VTI1A: variants seen among roughly 807,000 people sequenced by gnomAD.
VTI1A encodes the protein vesicle transport through interaction with t-SNAREs homolog 1A.
Under a neutral mutation model 34.9 loss-of-function variants are expected in VTI1A, and 22 were observed. That is an observed-to-expected ratio of 0.63 (90% CI 0.45 to 0.90). The LOEUF is 0.90. Among genes scored for constraint, VTI1A ranks in the 40% least tolerant of loss-of-function variants. VTI1A has a pLI of 0.00. For synonymous variants in VTI1A, 87 were observed against 97.3 expected (o/e 0.89, Z 0.62); for missense variants, 268 against 275.6 (o/e 0.97, Z 0.20).
chr10:112,628,008 A>G (rs1845988653), intron 5 of VTI1A, among the ~76,000 whole-genome samples: 2 of 152,172 alleles, frequency 1.3e-5, no homozygotes, highest in African/African-American at 2.4e-5. Context: ...GGAGAAGTGG[A>G]CGCCAAGGTC....
chr10:112,658,697 G>C (rs1281964460), intron 5 of VTI1A, among the ~76,000 whole-genome samples: 1 of 152,142 alleles, frequency 6.6e-6, no homozygotes, highest in African/African-American at 2.4e-5. Context: ...CAGTGGGGAG[G>C]TGGCAAACTG....
At chr10:112,652,966 CA>C (rs1199928071) in intron 5 of VTI1A, among the ~76,000 whole-genome samples, 1 of 152,162 alleles carries the variant, frequency 6.6e-6, no homozygotes, top group African/African-American at 2.4e-5. Context: ...ATTTAGGCAA[CA>C]AAAGCAGAGA....
the VTI1A span, among the ~76,000 whole-genome samples, chr10:112,855,156 G>C: frequency 6.6e-6 from 1 of 152,286 alleles, no homozygotes; most frequent in Non-Finnish European, 1.5e-5. Context: ...GACCCAGGAT[G>C]GGAAGCCTAC....
At chr10:112,524,606 G>A (rs906700735) in intron 3 of VTI1A, among the ~76,000 whole-genome samples, 2 of 152,046 alleles carry the variant, frequency 1.3e-5, no homozygotes, top group Admixed American at 6.6e-5. Context: ...TTTTAAAAGC[G>A]GTGGATTCTA....
At chr10:112,800,234 A>C (rs1852829750) in intron 7 of VTI1A, among the ~76,000 whole-genome samples, 1 of 152,200 alleles carries the variant, frequency 6.6e-6, no homozygotes, top group African/African-American at 2.4e-5. Flanking sequence ...GTATCCCCAG[A>C]GAAGCTCACA....
intron 3 of VTI1A, among the ~76,000 whole-genome samples, chr10:112,481,462 G>A (rs1305133991): frequency 6.6e-6 from 1 of 152,128 alleles, no homozygotes; most frequent in Non-Finnish European, 1.5e-5. Context: ...ATGAAGTTTT[G>A]TTTTCAAATT....
At chr10:112,551,862 G>T (rs973184586) in intron 5 of VTI1A, among the ~76,000 whole-genome samples, 1 of 151,984 alleles carries the variant, frequency 6.6e-6, no homozygotes, top group Non-Finnish European at 1.5e-5. Context: ...ATTCCTGGGG[G>T]GTGTCCTATG....
intron 5 of VTI1A, among the ~76,000 whole-genome samples, chr10:112,630,156 G>C (rs1231581969): frequency 6.6e-6 from 1 of 152,188 alleles, no homozygotes; most frequent in African/African-American, 2.4e-5. Context: ...TTCCTTTCTA[G>C]AGAAGTTGTT....
rs553375797 is a variant in VTI1A, at chr10:112,561,829, A to C, written c.427+23499A>C. On this transcript the variant is annotated intron_variant, in intron 5 of 7. Transcript: ENST00000393077. ...CTAGAAATATATGGAAGAATATTGCAAACTAAAGGCTGTTGTATTCTCTTT... is the reference window on the plus strand; with the variant it reads ...CTAGAAATATATGGAAGAATATTGCCAACTAAAGGCTGTTGTATTCTCTTT... 1.1e-4 allele frequency among the ~76,000 whole-genome samples: 17 copies of C among 152,256 alleles called. No individual in the cohort carries two copies. The South Asian group carries it at 3.1e-3, about 28-fold the overall frequency.
At chr10:112,495,196 CTTTTTTTTTT>C (rs751870581) in intron 3 of VTI1A, among the ~76,000 whole-genome samples, 1 of 79,054 alleles carries the variant, frequency 1.3e-5, no homozygotes, top group African/African-American at 5.0e-5. Context: ...CAGTAATGGT[CTTTTTTTTTT>C]TTTTTTTTTT....
At chr10:112,673,907 A>T (rs970443336) in intron 7 of VTI1A, among the ~76,000 whole-genome samples, 18 of 151,830 alleles carry the variant, frequency 1.2e-4, no homozygotes, top group Non-Finnish European at 2.9e-5. Context: ...TACATATGCC[A>T]TGGCTAGATG....
At chr10:112,811,367 A>G (rs1246177039) in intron 7 of VTI1A, among the ~76,000 whole-genome samples, 3 of 152,162 alleles carry the variant, frequency 2.0e-5, no homozygotes, top group African/African-American at 7.2e-5. Flanking sequence ...TCATTTCTTT[A>G]GCCAAAGCTA....
chr10:112,749,591 A>G (rs576067187), intron 7 of VTI1A, among the ~76,000 whole-genome samples: 3 of 152,300 alleles, frequency 2.0e-5, no homozygotes, highest in East Asian at 1.9e-4. Flanking sequence ...GTTTGCCTCT[A>G]TGGAGGTTTT....
chr10:112,496,205 G>T (rs985365493), intron 3 of VTI1A, among the ~76,000 whole-genome samples: 66 of 26,242 alleles, frequency 2.5e-3, no homozygotes, highest in African/African-American at 0.011. Context: ...CCCCCCCGCC[G>T]TCTCTAAACA....
intron 7 of VTI1A, among the ~76,000 whole-genome samples, chr10:112,703,137 C>G (rs923804192): frequency 6.6e-6 from 1 of 151,970 alleles, no homozygotes; most frequent in Non-Finnish European, 1.5e-5. Context: ...ATGTCTACTA[C>G]TAGATGTATT....
chr10:112,600,519 A>C (rs1844839113), intron 5 of VTI1A, among the ~76,000 whole-genome samples: 1 of 152,170 alleles, frequency 6.6e-6, no homozygotes. Context: ...CCAGATACGC[A>C]CATGGCTCAC....
At chr10:112,475,263 A>T (rs866912728) in intron 3 of VTI1A, among the ~76,000 whole-genome samples, 1 of 152,364 alleles carries the variant, frequency 6.6e-6, no homozygotes, top group South Asian at 2.1e-4. Flanking sequence ...AGAATTTTAT[A>T]ACCTGTAAAA....
the VTI1A span, among the ~76,000 whole-genome samples, chr10:112,854,455 T>A: frequency 2.0e-4 from 30 of 152,318 alleles, no homozygotes; most frequent in Middle Eastern, 3.4e-3. Context: ...TAGATGTCTC[T>A]AATGCTTCGG....
At position 112,500,510 on chromosome 10, in the gene VTI1A, G is replaced by A. The variant is rs150211142; in HGVS notation, c.265-26577G>A. ...ATTAAAATATTGAGAGATATCACATGCATTCAAATTTCAGGTTTCTACAGA... is the reference window on the plus strand; with the variant it reads ...ATTAAAATATTGAGAGATATCACATACATTCAAATTTCAGGTTTCTACAGA... On this transcript the variant is annotated intron_variant, in intron 3 of 7. Transcript: ENST00000393077. 2.5e-3 allele frequency among the ~76,000 whole-genome samples: 384 copies of A among 152,252 alleles called. 2 individuals carry two copies. The highest frequency in any genetic ancestry group is 0.01 in the Middle Eastern group (3 of 294).
Sources: gnomAD v4.1 joint callset for allele counts (sites outside exome capture counted in the v4.1 genomes callset) on GRCh38, gnomAD v4.1.1 for gene constraint, MANE v1.5 for transcripts, NCBI Gene and HGNC (gene_info 2026-07-23, HGNC 2026-07-21) for gene names.